The following KCNAB1 variants were observed in gnomAD, a reference collection of about 807,000 sequenced individuals.
The protein encoded by KCNAB1 is potassium voltage-gated channel subfamily A regulatory beta subunit 1, also known as voltage-gated potassium channel subunit beta-1.
In KCNAB1, 35 loss-of-function variants were observed where a neutral mutation model predicts 64.6. The observed-to-expected ratio is 0.54, with a 90% CI of 0.41 to 0.72. The LOEUF is 0.72. KCNAB1 is among the 30% of genes least tolerant of loss of function. The pLI, the probability that KCNAB1 is intolerant of heterozygous loss-of-function variation, is 0.00. For missense variants in KCNAB1, 401 were observed against 512.9 expected, an observed-to-expected ratio of 0.78 and a Z score of 2.11; for synonymous variants, 177 against 183.8, an observed-to-expected ratio of 0.96 and a Z score of 0.30.
At chr3:156,156,457 A>C (rs1715729635) in intron 1 of KCNAB1, among the ~76,000 whole-genome samples, 1 of 152,246 alleles carries the variant, frequency 6.6e-6, no homozygotes, top group African/African-American at 2.4e-5. Context: ...ACTGGTTAAG[A>C]AGTTACCATA....
intron 1 of KCNAB1, among the ~76,000 whole-genome samples, chr3:156,124,125 C>T (rs1713506630): frequency 2.0e-5 from 3 of 151,622 alleles, no homozygotes; most frequent in Non-Finnish European, 4.4e-5. Flanking sequence ...TACTATTTAT[C>T]ATTATTAGAT....
chr3:156,335,048 T>C (rs972900719), intron 1 of KCNAB1, among the ~76,000 whole-genome samples: 3 of 152,220 alleles, frequency 2.0e-5, no homozygotes, highest in African/African-American at 7.2e-5. Flanking sequence ...TCACAATGCT[T>C]TCCTGCTTAA....
chr3:156,318,265 T>C (rs1303176898), intron 1 of KCNAB1, among the ~76,000 whole-genome samples: 2 of 152,186 alleles, frequency 1.3e-5, no homozygotes, highest in African/African-American at 4.8e-5. Flanking sequence ...ATACTCAGTT[T>C]TCATTTTGGG....
intron 1 of KCNAB1, chr3:156,291,922 A>G: frequency 1.2e-6 from 2 of 1,614,160 alleles, no homozygotes; most frequent in Non-Finnish European, 1.7e-6. Flanking sequence ...AAGTCTCCAT[A>G]GCCTGCACAG....
chr3:156,195,074 T>C (rs1713824378), intron 1 of KCNAB1, among the ~76,000 whole-genome samples: 1 of 152,206 alleles, frequency 6.6e-6, no homozygotes, highest in Non-Finnish European at 1.5e-5. Context: ...CTGAGAATGA[T>C]GGTTTCCAGC....
At chr3:156,285,328 T>C (rs528081917) in intron 1 of KCNAB1, among the ~76,000 whole-genome samples, 34 of 152,210 alleles carry the variant, frequency 2.2e-4, no homozygotes, top group Admixed American at 1.7e-3. Flanking sequence ...CATAAGACAA[T>C]GGCAAAAATT....
intron 5 of KCNAB1, among the ~76,000 whole-genome samples, chr3:156,462,206 T>C (rs527993641): frequency 6.6e-6 from 1 of 152,380 alleles, no homozygotes; most frequent in South Asian, 2.1e-4. Flanking sequence ...TTTGCCAGGC[T>C]GCTGTCTACT....
At chr3:156,237,886 C>T (rs1716938337) in intron 1 of KCNAB1, among the ~76,000 whole-genome samples, 1 of 152,174 alleles carries the variant, frequency 6.6e-6, no homozygotes, top group African/African-American at 2.4e-5. Flanking sequence ...GCCATCAGAA[C>T]CAGGGCCGTT....
At chr3:156,486,607 G>A (rs1288320331) in intron 8 of KCNAB1, among the ~76,000 whole-genome samples, 1 of 152,156 alleles carries the variant, frequency 6.6e-6, no homozygotes, top group Non-Finnish European at 1.5e-5. Context: ...GGCACCACTG[G>A]GGGAGTGCTG....
chr3:156,387,004 T>C (rs1712647391), intron 1 of KCNAB1, among the ~76,000 whole-genome samples: 1 of 131,714 alleles, frequency 7.6e-6, no homozygotes, highest in East Asian at 2.0e-4. Flanking sequence ...CTTGCTTGCT[T>C]TCTCTCTCTC....
At chr3:156,322,342 T>C (rs1722713610) in intron 1 of KCNAB1, among the ~76,000 whole-genome samples, 1 of 152,202 alleles carries the variant, frequency 6.6e-6, no homozygotes, top group South Asian at 2.1e-4. Context: ...TTTGTAGTTA[T>C]GGGTTCTGCA....
chr3:156,118,421 T>C, upstream of KCNAB1: 2 of 406,888 alleles, frequency 4.9e-6, no homozygotes, highest in Non-Finnish European at 9.9e-6. Flanking sequence ...CTGTGAATGT[T>C]ACATAGCACC....
At position 156,199,177 on chromosome 3, in the gene KCNAB1, A is replaced by G. The variant is rs909992524; in HGVS notation, c.275+78291A>G. On this transcript the variant is annotated intron_variant, in intron 1 of 13. Coordinates refer to ENST00000490337, the MANE Select transcript of KCNAB1 (RefSeq NM_172160.3). ...CTCTTCTGAGTTGTAGAGCTTCTGC[A>G]GAGATATCTGCTATTCATCTGATGG... Among the ~76,000 whole-genome samples the G allele has an allele frequency of 3.3e-5, 5 of 152,170 alleles. 1 individual carries two copies. Among genetic ancestry groups the G allele is most frequent in the Middle Eastern group, 6.3e-3 (2 of 316 alleles).
intron 1 of KCNAB1, among the ~76,000 whole-genome samples, chr3:156,212,738 A>G (rs1715089393): frequency 6.6e-6 from 1 of 152,180 alleles, no homozygotes; most frequent in Non-Finnish European, 1.5e-5. Flanking sequence ...CTTCAGGCAG[A>G]GGAACTGCAA....
rs868261976 is a variant in KCNAB1 at position 156,333,310 on chromosome 3, G to A, written c.276-88306G>A. 2.3e-3 allele frequency among the ~76,000 whole-genome samples: 317 copies of A among 138,600 alleles called. 4 individuals carry two copies. The highest frequency in any genetic ancestry group is 0.015 in the Middle Eastern group (4 of 274). The allele number at this position is 138,600 out of a possible 152,430, so 90.9% of individuals were successfully genotyped here. A position where few individuals can be genotyped will look rare whatever the true frequency, so the allele number is the denominator to read the frequency against. ...TCCACGCACATACCAGTATACAAACGCACATAGAAACACACACACACACAC... is the reference window on the plus strand; with the variant it reads ...TCCACGCACATACCAGTATACAAACACACATAGAAACACACACACACACAC... On this transcript the variant is annotated intron_variant, in intron 1 of 13. Transcript: ENST00000490337.
At chr3:156,294,237 G>T (rs1323504119) in intron 1 of KCNAB1, among the ~76,000 whole-genome samples, 3 of 152,206 alleles carry the variant, frequency 2.0e-5, no homozygotes, top group African/African-American at 7.2e-5. Context: ...GACAACTAAA[G>T]ATAGTTCTCT....
At chr3:156,367,337 A>T (rs536910550) in intron 1 of KCNAB1, among the ~76,000 whole-genome samples, 3 of 137,390 alleles carry the variant, frequency 2.2e-5, no homozygotes, top group African/African-American at 6.3e-5. Flanking sequence ...CACTACGCCC[A>T]GCTAATTTTT....
chr3:156,203,309 G>T (rs1360172495), intron 1 of KCNAB1, among the ~76,000 whole-genome samples: 2 of 152,200 alleles, frequency 1.3e-5, no homozygotes, highest in African/African-American at 4.8e-5. Flanking sequence ...GCTGATCTCT[G>T]ATTTAGCATA....
chr3:156,372,865 CTT>C (rs1726409747), intron 1 of KCNAB1, among the ~76,000 whole-genome samples: 2 of 152,194 alleles, frequency 1.3e-5, no homozygotes, highest in Admixed American at 6.5e-5. Flanking sequence ...GCCACCGAAA[CTT>C]TAAATGATGA....
Sources: gnomAD v4.1 joint callset for allele counts (sites outside exome capture counted in the v4.1 genomes callset) on GRCh38, gnomAD v4.1.1 for gene constraint, MANE v1.5 for transcripts, NCBI Gene and HGNC (gene_info 2026-07-23, HGNC 2026-07-21) for gene names.